RBFOX3: variants seen among roughly 807,000 people sequenced by gnomAD.
The protein encoded by RBFOX3 is RNA binding fox-1 homolog 3, also known as RNA binding protein fox-1 homolog 3.
In RBFOX3, 17 loss-of-function variants were observed where a neutral mutation model predicts 48.7. The observed-to-expected ratio is 0.35, with a 90% CI of 0.24 to 0.52. The LOEUF (loss-of-function observed/expected upper bound fraction) is 0.52, where lower values mean the gene tolerates loss of function less well. Among genes scored for constraint, RBFOX3 ranks in the 20% least tolerant of loss-of-function variants. The pLI, the probability that RBFOX3 is intolerant of heterozygous loss-of-function variation, is 0.94. For missense variants in RBFOX3, 382 were observed against 497.5 expected (o/e 0.77, Z 2.21); for synonymous variants, 212 against 209.5 (o/e 1.01, Z -0.10).
intron 4 of RBFOX3, among the ~76,000 whole-genome samples, chr17:79,168,145 G>A (rs533913071): frequency 1.2e-4 from 19 of 152,304 alleles, no homozygotes; most frequent in Admixed American, 8.5e-4. Flanking sequence ...ACCCTCGTTC[G>A]GGAGGTCCAT....
chr17:79,490,810 T>C (rs2080378467), intron 1 of RBFOX3, among the ~76,000 whole-genome samples: 2 of 150,832 alleles, frequency 1.3e-5, no homozygotes, highest in East Asian at 2.0e-4. Context: ...TCTAGAAGGT[T>C]GGGGCCTTAT....
chr17:79,217,066 C>T (rs533056855), intron 4 of RBFOX3, among the ~76,000 whole-genome samples: 2 of 152,322 alleles, frequency 1.3e-5, no homozygotes, highest in African/African-American at 4.8e-5. Flanking sequence ...ACAGCAGTGA[C>T]CTCCACACCC....
rs371319586 is a variant in RBFOX3, at chr17:79,420,124, CTCAT to C, written c.-175+62326_-175+62329del. On this transcript the variant is annotated intron_variant, in intron 2 of 14. Transcript: ENST00000693108. ...CCTGGGCAACAGAGCAAGACTCCGT[CTCAT>C]ACACACACACACACACACACACACA... Among the ~76,000 whole-genome samples the C allele has an allele frequency of 7.5e-3, 670 of 89,024 alleles. 7 individuals carry two copies. Among genetic ancestry groups the C allele is most frequent in the South Asian group, 0.02 (41 of 2,050 alleles). The allele number at this position is 89,024 out of a possible 152,430, so 58.4% of individuals were successfully genotyped here. A position where few individuals can be genotyped will look rare whatever the true frequency, so the allele number is the denominator to read the frequency against.
chr17:79,385,835 GGCTCCATCACCCTCCATTGCAGACAGGA>G (rs1050446693), intron 2 of RBFOX3, among the ~76,000 whole-genome samples: 4 of 151,408 alleles, frequency 2.6e-5, no homozygotes, highest in African/African-American at 7.3e-5. Context: ...TACAGAAAGA[GGCTCCATCACCCTCCATTGCAGACAGGA>G]GCTCCATCAC....
chr17:79,294,470 C>G (rs1821918226), intron 3 of RBFOX3, among the ~76,000 whole-genome samples: 1 of 152,112 alleles, frequency 6.6e-6, no homozygotes, highest in Non-Finnish European at 1.5e-5. Flanking sequence ...GCCACCACGC[C>G]CAGCTAATTT....
At position 79,299,732 on chromosome 17, in the gene RBFOX3, C is replaced by T. The variant is rs903147698; in HGVS notation, c.-74+7992G>A. On this transcript the variant is annotated intron_variant, in intron 3 of 14. Transcript: ENST00000693108. The surrounding 1 kb of genome is among the most constrained non-coding windows in gnomAD (Gnocchi z 4.5). Reference sequence around the variant, plus strand: ...TAGGGTGAGTCTTAATCCAAAGTGACTGTTCTCCTGAAGAGGAGATTAGGA... The same window carrying T: ...TAGGGTGAGTCTTAATCCAAAGTGATTGTTCTCCTGAAGAGGAGATTAGGA... 1.3e-5 allele frequency among the ~76,000 whole-genome samples: 2 copies of T among 152,112 alleles called. No individual in the cohort carries two copies. Among genetic ancestry groups the T allele is most frequent in the Admixed American group, 6.5e-5 (1 of 15,268 alleles).
chr17:79,215,585 G>A (rs2058935568), intron 4 of RBFOX3, among the ~76,000 whole-genome samples: 1 of 152,224 alleles, frequency 6.6e-6, no homozygotes, highest in Non-Finnish European at 1.5e-5. Context: ...GTCAGCTGGT[G>A]CCCTGGGTAA....
intron 1 of RBFOX3, among the ~76,000 whole-genome samples, chr17:79,587,643 C>G (rs1336869760): frequency 1.3e-5 from 2 of 152,182 alleles, no homozygotes; most frequent in African/African-American, 4.8e-5. Context: ...CCCCACGGAG[C>G]AGCAGGCTGG....
In RBFOX3 at chr17:79,537,341, TCTC is replaced by T. The variant is rs565412120; in HGVS notation, c.-319-54746_-319-54744del. On this transcript the variant is annotated intron_variant, in intron 1 of 14. Transcript: ENST00000693108. Reference sequence around the variant, plus strand: ...TGTGGCCCTCTCCCTGTGCATCCGTTCTCCTCTTTTCTTAGAAGGGCACCAGTC... The same window carrying T: ...TGTGGCCCTCTCCCTGTGCATCCGTTCTCTTTTCTTAGAAGGGCACCAGTC... 7.2e-5 allele frequency among the ~76,000 whole-genome samples: 11 copies of T among 152,256 alleles called. No homozygotes were observed. In the South Asian group the frequency reaches 2.3e-3, roughly 32 times the overall value.
rs76786923 is a variant in RBFOX3 at position 79,480,589 on chromosome 17, C to T, written c.-175+1865G>A. ...TCATCTCCTTCCTCCACCTGCACAG[C>T]CCCCGGACCCCGTGATGCCAGCCCC... On this transcript the variant is annotated intron_variant, in intron 2 of 14. Coordinates refer to ENST00000693108, the MANE Select transcript of RBFOX3 (RefSeq NM_001350451.2). This position sits in a 1 kb window ranked among gnomAD's most constrained non-coding sequence, Gnocchi z 4.8. 7.7e-3 allele frequency among the ~76,000 whole-genome samples: 1,168 copies of T among 152,308 alleles called. 20 individuals are homozygous for T. The highest frequency in any genetic ancestry group is 0.038 in the East Asian group (194 of 5,172).
At chr17:79,301,916 G>A (rs2075374626) in intron 3 of RBFOX3, among the ~76,000 whole-genome samples, 1 of 152,204 alleles carries the variant, frequency 6.6e-6, no homozygotes. Context: ...GATTCACAGA[G>A]ATGGAACGCA....
intron 3 of RBFOX3, among the ~76,000 whole-genome samples, chr17:79,275,116 A>G (rs925328673): frequency 6.1e-5 from 6 of 98,116 alleles, no homozygotes; most frequent in African/African-American, 1.9e-4. Flanking sequence ...CTCTCTCTCC[A>G]TGTCTCCCTC....
intron 2 of RBFOX3, among the ~76,000 whole-genome samples, chr17:79,414,844 G>A (rs1412396482): frequency 1.3e-5 from 2 of 152,334 alleles, no homozygotes; most frequent in Non-Finnish European, 2.9e-5. Context: ...CCATTCAGTC[G>A]GGAGGAACCA....
chr17:79,630,205 T>G, the RBFOX3 span, among the ~76,000 whole-genome samples: 1 of 152,220 alleles, frequency 6.6e-6, no homozygotes, highest in Non-Finnish European at 1.5e-5. Flanking sequence ...GTTTCCACGA[T>G]GCTCGAGAAC....
chr17:79,292,586 A>G (rs1293170618), intron 3 of RBFOX3, among the ~76,000 whole-genome samples: 1 of 96,206 alleles, frequency 1.0e-5, no homozygotes, highest in Non-Finnish European at 2.0e-5. Flanking sequence ...ACACACATGC[A>G]CACACACACA....
At chr17:79,286,746 C>A (rs2071995893) in intron 3 of RBFOX3, among the ~76,000 whole-genome samples, 1 of 152,158 alleles carries the variant, frequency 6.6e-6, no homozygotes. Flanking sequence ...GAGGATGGAG[C>A]CAGGCTGTGC....
chr17:79,517,852 C>T (rs1452177046), intron 1 of RBFOX3, among the ~76,000 whole-genome samples: 2 of 152,322 alleles, frequency 1.3e-5, no homozygotes, highest in African/African-American at 4.8e-5. Context: ...GGAGCCGCCT[C>T]GCCTGTTCCT....
chr17:79,208,779 C>T (rs1399701255), intron 4 of RBFOX3, among the ~76,000 whole-genome samples: 1 of 151,498 alleles, frequency 6.6e-6, no homozygotes, highest in African/African-American at 2.4e-5. Flanking sequence ...CCCACAGGAC[C>T]TCACTCCCAT....
intron 2 of RBFOX3, among the ~76,000 whole-genome samples, chr17:79,384,541 T>C (rs541369895): frequency 4.6e-5 from 7 of 152,292 alleles, no homozygotes; most frequent in Non-Finnish European, 1.0e-4. Context: ...CAAAGCCAGC[T>C]TCCAAACCCA....
Sources: allele counts gnomAD v4.1 joint callset (sites outside exome capture counted in the v4.1 genomes callset), GRCh38; gene constraint gnomAD v4.1.1; non-coding constraint Gnocchi (gnomAD v3.1); transcripts MANE v1.5; gene names NCBI Gene and HGNC (gene_info 2026-07-23, HGNC 2026-07-21).